ROR2: variants seen among roughly 807,000 people sequenced by gnomAD.
The protein encoded by ROR2 is ROR family WNT receptor 2, also known as tyrosine-protein kinase transmembrane receptor ROR2.
A neutral mutation model predicts 74.9 loss-of-function variants in ROR2; 33 were observed. That is an observed-to-expected ratio of 0.44 (90% confidence interval 0.33 to 0.59). ROR2 has a LOEUF of 0.59. Ranked by LOEUF, ROR2 falls within the 20% of genes least tolerant of loss-of-function variation. The pLI is 0.02. For missense variants in ROR2, 1,216 were observed against 1,313.8 expected, an observed-to-expected ratio of 0.93 and a Z score of 1.15; for synonymous variants, 586 against 558.7, an observed-to-expected ratio of 1.05 and a Z score of -0.69.
chr9:91,909,040 C>T (rs1396874854), intron 1 of ROR2, among the ~76,000 whole-genome samples: 1 of 152,190 alleles, frequency 6.6e-6, no homozygotes, highest in Non-Finnish European at 1.5e-5. Flanking sequence ...ATTTGCAAAG[C>T]ACCGGAGTCC....
chr9:91,785,889 T>C (rs1306922526), intron 1 of ROR2, among the ~76,000 whole-genome samples: 1 of 152,182 alleles, frequency 6.6e-6, no homozygotes, highest in South Asian at 2.1e-4. Flanking sequence ...CCCTTTTACA[T>C]GTGCATATAT....
At chr9:91,869,296 A>G (rs1330703854) in intron 1 of ROR2, among the ~76,000 whole-genome samples, 1 of 152,132 alleles carries the variant, frequency 6.6e-6, no homozygotes, top group Non-Finnish European at 1.5e-5. Flanking sequence ...GCCTCAAGCA[A>G]TCCTCCCACC....
intron 7 of ROR2, among the ~76,000 whole-genome samples, chr9:91,729,956 T>G (rs1337112250): frequency 2.0e-5 from 3 of 152,034 alleles, no homozygotes; most frequent in Non-Finnish European, 4.4e-5. Context: ...AATAATGGTG[T>G]TTTTTGTTTT....
chr9:91,908,883 A>G (rs1314344865), intron 1 of ROR2, among the ~76,000 whole-genome samples: 1 of 150,182 alleles, frequency 6.7e-6, no homozygotes, highest in Admixed American at 6.8e-5. Context: ...TAAAACTGAC[A>G]CTTTGAACAG....
rs1276685311 is a variant in ROR2, at chr9:91,724,501, T to C, written c.1993A>G (p.Met665Val). ...GAGTCGATGGAGAACTTGCCGTACATGATGGCCTCTGGGGCCATCCAGCGG... is the reference window on the plus strand; with the variant it reads ...GAGTCGATGGAGAACTTGCCGTACACGATGGCCTCTGGGGCCATCCAGCGG... The part of the protein sequence containing the change: ...PIRWMAPEAI[M>V]YGKFSIDSDI... Residue 665 changes from methionine (M) to valine (V), a missense_variant, in exon 9 of 9, where the codon ATG becomes GTG. Physicochemically the swap from Met to Val is conservative, Grantham distance 21 (BLOSUM62 1). Transcript: ENST00000375708. 7 of 1,614,100 alleles carry C rather than the reference T, an allele frequency of 4.3e-6. No homozygotes were observed. Among genetic ancestry groups the C allele is most frequent in the East Asian group, 4.5e-5 (2 of 44,888 alleles).
chr9:91,935,260 G>C (rs988021367), intron 1 of ROR2, among the ~76,000 whole-genome samples: 2 of 152,216 alleles, frequency 1.3e-5, no homozygotes, highest in Non-Finnish European at 2.9e-5. Flanking sequence ...GGAGCAGCCA[G>C]CTGGCCAAGC....
intron 1 of ROR2, among the ~76,000 whole-genome samples, chr9:91,844,005 C>G (rs539564864): frequency 1.4e-4 from 21 of 152,358 alleles, no homozygotes; most frequent in Admixed American, 4.6e-4. Context: ...CTGGCACTAA[C>G]GGCCGTCCCC....
chr9:91,812,855 C>T (rs1827806748), intron 1 of ROR2, among the ~76,000 whole-genome samples: 1 of 152,176 alleles, frequency 6.6e-6, no homozygotes, highest in African/African-American at 2.4e-5. Flanking sequence ...ACTTACAGAG[C>T]TCAATTTATT....
chr9:91,852,977 G>C (rs1829155242), intron 1 of ROR2, among the ~76,000 whole-genome samples: 1 of 152,232 alleles, frequency 6.6e-6, no homozygotes, highest in Non-Finnish European at 1.5e-5. Flanking sequence ...CATGCTCTGT[G>C]AGCACACTCC....
At chr9:91,929,240 C>T (rs1292074539) in intron 1 of ROR2, among the ~76,000 whole-genome samples, 5 of 152,218 alleles carry the variant, frequency 3.3e-5, no homozygotes, top group South Asian at 2.1e-4. Flanking sequence ...ACAGGCTGCA[C>T]CAGTTTCCAA....
intron 1 of ROR2, among the ~76,000 whole-genome samples, chr9:91,879,553 T>A (rs1487354787): frequency 6.6e-6 from 1 of 152,002 alleles, no homozygotes; most frequent in Admixed American, 6.6e-5. Context: ...AGGCAATAAC[T>A]TCAGCTTTCT....
At chr9:91,820,150 T>G (rs1175783929) in intron 1 of ROR2, among the ~76,000 whole-genome samples, 1 of 152,198 alleles carries the variant, frequency 6.6e-6, no homozygotes, top group Non-Finnish European at 1.5e-5. Flanking sequence ...CATTTTGCAT[T>G]CTTTATTACA....
Position 91,787,384 on chromosome 9 carries a change from G to T in ROR2, c.98-11566C>A, listed in dbSNP as rs368372944. Among the ~76,000 whole-genome samples the T allele has an allele frequency of 4.0e-3, 603 of 152,214 alleles. 6 individuals carry two copies. Among genetic ancestry groups the T allele is most frequent in the South Asian group, 0.031 (148 of 4,824 alleles). On this transcript the variant is annotated intron_variant, in intron 1 of 8. Coordinates refer to ENST00000375708, the MANE Select transcript of ROR2 (RefSeq NM_004560.4). ...AAATTAGCCATGAGTGGTGGTGGGT[G>T]CCTGTAATCCCAGCTACTCAGGAGG...
chr9:91,900,092 A>G (rs925011796), intron 1 of ROR2, among the ~76,000 whole-genome samples: 5 of 152,216 alleles, frequency 3.3e-5, no homozygotes, highest in East Asian at 1.9e-4. Flanking sequence ...CACCAGTAAG[A>G]TAAGTTTTAA....
At chr9:91,947,314 G>A (rs143783953) in intron 1 of ROR2, among the ~76,000 whole-genome samples, 5 of 152,238 alleles carry the variant, frequency 3.3e-5, no homozygotes, top group East Asian at 1.9e-4. Flanking sequence ...TAGGGTCCAC[G>A]GCGATCAGAT....
intron 1 of ROR2, among the ~76,000 whole-genome samples, chr9:91,819,857 T>C (rs1828086160): frequency 6.6e-6 from 1 of 152,078 alleles, no homozygotes; most frequent in African/African-American, 2.4e-5. Context: ...GTGTGTTCTC[T>C]GTGTATGTCT....
chr9:91,750,436 T>C (rs1825564189), intron 4 of ROR2, among the ~76,000 whole-genome samples: 1 of 152,228 alleles, frequency 6.6e-6, no homozygotes, highest in African/African-American at 2.4e-5. Flanking sequence ...ATTTGATGTA[T>C]ATTATTGATT....
chr9:91,783,985 G>T (rs569753744), intron 1 of ROR2, among the ~76,000 whole-genome samples: 1 of 151,966 alleles, frequency 6.6e-6, no homozygotes. Flanking sequence ...AATAACACCA[G>T]AACACCTACA....
At chr9:91,808,327 C>A (rs896127484) in intron 1 of ROR2, among the ~76,000 whole-genome samples, 8 of 152,196 alleles carry the variant, frequency 5.3e-5, no homozygotes, top group African/African-American at 1.7e-4. Context: ...CAGTAAGCCT[C>A]TCCTCAATTA....
Sources: gnomAD v4.1 joint callset for allele counts (sites outside exome capture counted in the v4.1 genomes callset) on GRCh38, gnomAD v4.1.1 for gene constraint, MANE v1.5 for transcripts, NCBI Gene and HGNC (gene_info 2026-07-23, HGNC 2026-07-21) for gene names.